Variants in TENM3 observed in about 807,000 individuals in gnomAD.
TENM3 encodes the protein teneurin-3.
A neutral mutation model predicts 255.1 loss-of-function variants in TENM3; 63 were observed. That is an observed-to-expected ratio of 0.25 (90% CI 0.20 to 0.30). The LOEUF (loss-of-function observed/expected upper bound fraction) is 0.30, where lower values mean the gene tolerates loss of function less well. TENM3 is among the 10% of genes least tolerant of loss of function. The pLI, the probability that TENM3 is intolerant of heterozygous loss-of-function variation, is 1.00. For synonymous variants in TENM3, 1,306 were observed against 1,322.3 expected (o/e 0.99, Z 0.27); for missense variants, 2,929 against 3,461.1 (o/e 0.85, Z 3.86).
intron 16 of TENM3, among the ~76,000 whole-genome samples, chr4:182,736,239 T>G (rs1761152528): frequency 6.6e-6 from 1 of 152,218 alleles, no homozygotes; most frequent in Non-Finnish European, 1.5e-5. Context: ...TTACTGTCTT[T>G]ATAGGCTGTG....
intron 25 of TENM3, among the ~76,000 whole-genome samples, chr4:182,791,189 C>T (rs1766077388): frequency 6.6e-6 from 1 of 152,214 alleles, no homozygotes; most frequent in South Asian, 2.1e-4. Flanking sequence ...AGGACATTTA[C>T]TACACAACCT....
chr4:181,520,170 G>A, the TENM3 span, among the ~76,000 whole-genome samples: 1 of 152,158 alleles, frequency 6.6e-6, no homozygotes, highest in South Asian at 2.1e-4. Context: ...ACTCTGAGAA[G>A]CCATAAAGGC....
At chr4:182,082,921 A>G in the TENM3 span, among the ~76,000 whole-genome samples, 1 of 152,294 alleles carries the variant, frequency 6.6e-6, no homozygotes, top group South Asian at 2.1e-4. Flanking sequence ...GCAACATAAT[A>G]TACTAGACCA....
At chr4:181,640,974 C>T in the TENM3 span, among the ~76,000 whole-genome samples, 1 of 152,112 alleles carries the variant, frequency 6.6e-6, no homozygotes, top group South Asian at 2.1e-4. Context: ...TGAACTATTT[C>T]TTCAAAAAAG....
At chr4:181,582,350 T>A in the TENM3 span, among the ~76,000 whole-genome samples, 3 of 152,148 alleles carry the variant, frequency 2.0e-5, no homozygotes, top group African/African-American at 7.2e-5. Context: ...GCTCATCCTC[T>A]CCCACTCTGT....
the TENM3 span, among the ~76,000 whole-genome samples, chr4:182,134,191 A>C: frequency 6.6e-6 from 1 of 152,212 alleles, no homozygotes; most frequent in African/African-American, 2.4e-5. Flanking sequence ...ATTTCTAATA[A>C]GTTTGAAAAT....
intron 1 of TENM3, among the ~76,000 whole-genome samples, chr4:182,160,164 G>A (rs1453240389): frequency 6.7e-5 from 10 of 150,146 alleles, no homozygotes; most frequent in Admixed American, 1.3e-4. Flanking sequence ...CACCACGCCT[G>A]GCTAATTTTA....
chr4:182,757,437 C>T (rs1762826992), intron 22 of TENM3, among the ~76,000 whole-genome samples: 1 of 151,872 alleles, frequency 6.6e-6, no homozygotes, highest in African/African-American at 2.4e-5. Context: ...GGTACTCAAG[C>T]CCTGCTCTCC....
chr4:182,416,483 C>A (rs879786392), intron 3 of TENM3, among the ~76,000 whole-genome samples: 1 of 150,408 alleles, frequency 6.6e-6, no homozygotes, highest in Non-Finnish European at 1.5e-5. Flanking sequence ...TTGAGTCAAG[C>A]AATTTTTCAT....
intron 24 of TENM3, among the ~76,000 whole-genome samples, chr4:182,783,203 C>T (rs1372939578): frequency 2.0e-5 from 3 of 152,172 alleles, no homozygotes; most frequent in African/African-American, 7.2e-5. Context: ...CTGGTTGTTC[C>T]TTTCCATGTT....
At chr4:182,152,683 CAT>C (rs1373283784) in intron 1 of TENM3, among the ~76,000 whole-genome samples, 7 of 151,724 alleles carry the variant, frequency 4.6e-5, no homozygotes, top group African/African-American at 1.2e-4. Context: ...AAAAATTACA[CAT>C]GTGACAGGGA....
intron 3 of TENM3, among the ~76,000 whole-genome samples, chr4:182,424,640 A>G (rs919024306): frequency 6.6e-6 from 1 of 152,166 alleles, no homozygotes; most frequent in African/African-American, 2.4e-5. Flanking sequence ...AAAATCATAC[A>G]ATCTGCCTAA....
Position 182,771,505 on chromosome 4 carries a change from G to A in TENM3, c.4893-1967G>A, listed in dbSNP as rs943330861. On this transcript the variant is annotated intron_variant, in intron 22 of 27. Coordinates refer to ENST00000511685, the MANE Select transcript of TENM3 (RefSeq NM_001080477.4). ...CATTTTCCGTCTCTGAAATGGGGGG[G>A]GGGGAAATAGTACAATACAGAATTC... 1.6e-3 allele frequency among the ~76,000 whole-genome samples: 232 copies of A among 149,018 alleles called. 2 individuals carry two copies. Among genetic ancestry groups the A allele is most frequent in the Middle Eastern group, 3.4e-3 (1 of 292 alleles).
intron 3 of TENM3, among the ~76,000 whole-genome samples, chr4:182,450,617 A>G (rs947063736): frequency 5.9e-5 from 9 of 152,224 alleles, no homozygotes; most frequent in African/African-American, 2.2e-4. Context: ...ATTAACTGAG[A>G]GACTGAAACT....
chr4:182,566,533 C>T (rs1284832655), intron 3 of TENM3, among the ~76,000 whole-genome samples: 1 of 152,328 alleles, frequency 6.6e-6, no homozygotes, highest in East Asian at 1.9e-4. Context: ...ATTTTGACTG[C>T]TTCCAAATAG....
chr4:182,345,303 C>T (rs772052567), intron 2 of TENM3, among the ~76,000 whole-genome samples: 10 of 152,046 alleles, frequency 6.6e-5, no homozygotes, highest in Admixed American at 2.6e-4. Flanking sequence ...GATTTATTTC[C>T]GAGAAGATTC....
chr4:182,727,938 A>G (rs1179628841), intron 13 of TENM3, among the ~76,000 whole-genome samples: 1 of 148,582 alleles, frequency 6.7e-6, no homozygotes, highest in East Asian at 2.0e-4. Context: ...TCAGCTCACT[A>G]CAACCTCTGC....
chr4:182,114,592 G>A, the TENM3 span, among the ~76,000 whole-genome samples: 1 of 151,982 alleles, frequency 6.6e-6, no homozygotes, highest in African/African-American at 2.4e-5. Context: ...TAGATGTAGA[G>A]ACAGACATAG....
At chr4:181,949,932 G>T in the TENM3 span, among the ~76,000 whole-genome samples, 1 of 152,036 alleles carries the variant, frequency 6.6e-6, no homozygotes, top group Admixed American at 6.6e-5. Context: ...CCACCTCCTC[G>T]GAGAGCCCAT....
Sources: allele counts gnomAD v4.1 joint callset (sites outside exome capture counted in the v4.1 genomes callset), GRCh38; gene constraint gnomAD v4.1.1; transcripts MANE v1.5; gene names NCBI Gene and HGNC (gene_info 2026-07-23, HGNC 2026-07-21).